Variants in RABGAP1 observed in about 807,000 individuals in gnomAD.
The protein encoded by RABGAP1 is RAB GTPase activating protein 1, also known as rab GTPase-activating protein 1.
A neutral mutation model predicts 137.6 loss-of-function variants in RABGAP1; 23 were observed. That is an observed-to-expected ratio of 0.17 (90% CI 0.12 to 0.24). The LOEUF (loss-of-function observed/expected upper bound fraction) is 0.24, where lower values mean the gene tolerates loss of function less well. Ranked by LOEUF, RABGAP1 falls within the 10% of genes least tolerant of loss-of-function variation. RABGAP1 has a pLI of 1.00. For missense variants in RABGAP1, 906 were observed against 1,275.8 expected, an observed-to-expected ratio of 0.71 and a Z score of 4.42; for synonymous variants, 451 against 450.7, an observed-to-expected ratio of 1.00 and a Z score of -0.01.
At chr9:122,984,805 C>A in intron 3 of RABGAP1, 86 bp downstream of exon 3, 1 of 1,204,762 alleles carries the variant, frequency 8.3e-7, no homozygotes, top group Non-Finnish European at 1.2e-6. Context: ...TTATTTAGAA[C>A]AGGCAAAACC....
intron 1 of RABGAP1, among the ~76,000 whole-genome samples, chr9:122,944,466 G>A (rs970014768): frequency 6.6e-6 from 1 of 151,920 alleles, no homozygotes; most frequent in Non-Finnish European, 1.5e-5. Flanking sequence ...CTGGCCTCAA[G>A]CAATCCTCCC....
In RABGAP1 at chr9:123,100,897, C is replaced by T. The variant is rs556015199; in HGVS notation, c.2890-669C>T. ...CTTTCAGTCTTTGTTCAGTGTTTAACGTCTAAAATTTCATTCATTCTGAGA... is the reference window on the plus strand; with the variant it reads ...CTTTCAGTCTTTGTTCAGTGTTTAATGTCTAAAATTTCATTCATTCTGAGA... On this transcript the variant is annotated intron_variant, in intron 24 of 25. Transcript: ENST00000373647. 1.2e-4 allele frequency among the ~76,000 whole-genome samples: 18 copies of T among 152,220 alleles called. 1 individual carries two copies. Among genetic ancestry groups the T allele is most frequent in the Middle Eastern group, 6.8e-3 (2 of 294 alleles).
intron 25 of RABGAP1, among the ~76,000 whole-genome samples, chr9:123,102,052 T>C (rs1438431473): frequency 6.6e-6 from 1 of 152,190 alleles, no homozygotes; most frequent in Non-Finnish European, 1.5e-5. Flanking sequence ...ACCACTGAAC[T>C]GTTTGACCTT....
chr9:123,046,365 C>A (rs1456068502), intron 13 of RABGAP1, among the ~76,000 whole-genome samples: 1 of 152,118 alleles, frequency 6.6e-6, no homozygotes, highest in Non-Finnish European at 1.5e-5. Flanking sequence ...ACAATTTTGG[C>A]AGCTCCTATT....
At chr9:122,988,716 G>A (rs1344485691) in intron 4 of RABGAP1, among the ~76,000 whole-genome samples, 1 of 152,000 alleles carries the variant, frequency 6.6e-6, no homozygotes, top group Non-Finnish European at 1.5e-5. Flanking sequence ...GGGAGGCCTA[G>A]GTGGGCGGAT....
At chr9:123,078,637 G>A (rs1433935028) in intron 19 of RABGAP1, among the ~76,000 whole-genome samples, 2 of 152,160 alleles carry the variant, frequency 1.3e-5, no homozygotes, top group African/African-American at 2.4e-5. Flanking sequence ...GCACACAAGA[G>A]GATGCTGCCT....
At chr9:123,029,838 A>G in intron 13 of RABGAP1, 2 of 397,060 alleles carry the variant, frequency 5.0e-6, no homozygotes, top group South Asian at 2.3e-5. Flanking sequence ...CCAAATAATA[A>G]GTGGTAGTTG....
chr9:123,010,636 A>T, intron 11 of RABGAP1, 108 bp downstream of exon 11: 1 of 1,087,828 alleles, frequency 9.2e-7, no homozygotes, highest in Admixed American at 2.7e-5. Flanking sequence ...TAATTCATTT[A>T]ATGAATTCCT....
At chr9:123,089,020 C>A (rs1304378337) in intron 19 of RABGAP1, among the ~76,000 whole-genome samples, 2 of 151,970 alleles carry the variant, frequency 1.3e-5, no homozygotes, top group Non-Finnish European at 2.9e-5. Context: ...GGTCTTGAAG[C>A]AATGGAGGTG....
At chr9:122,949,510 A>G (rs571894502) in intron 1 of RABGAP1, among the ~76,000 whole-genome samples, 18 of 151,816 alleles carry the variant, frequency 1.2e-4, no homozygotes, top group Non-Finnish European at 2.2e-4. Flanking sequence ...GTGAAACTCC[A>G]TCTCAAAAAC....
At chr9:122,982,183 G>C (rs1836103564) in intron 2 of RABGAP1, among the ~76,000 whole-genome samples, 1 of 152,132 alleles carries the variant, frequency 6.6e-6, no homozygotes, top group African/African-American at 2.4e-5. Context: ...GCATTTGTTA[G>C]GTTACTATTT....
chr9:123,002,296 C>T (rs1433294404), intron 10 of RABGAP1, among the ~76,000 whole-genome samples: 2 of 145,370 alleles, frequency 1.4e-5, no homozygotes, highest in South Asian at 4.3e-4. Flanking sequence ...AGCAAAACTC[C>T]GTCAAAAAAA....
intron 13 of RABGAP1, among the ~76,000 whole-genome samples, chr9:123,040,408 G>C (rs2032895883): frequency 6.6e-6 from 1 of 152,190 alleles, no homozygotes; most frequent in Non-Finnish European, 1.5e-5. Context: ...TGGAATCTCA[G>C]AACATGGTTC....
intron 21 of RABGAP1, among the ~76,000 whole-genome samples, chr9:123,096,779 C>G (rs956622359): frequency 6.6e-6 from 1 of 152,138 alleles, no homozygotes; most frequent in Admixed American, 6.5e-5. Flanking sequence ...ACTATGTTGG[C>G]CAGGCTGTTC....
At chr9:123,089,477 C>A (rs2034972042) in intron 19 of RABGAP1, 3 of 311,680 alleles carry the variant, frequency 9.6e-6, no homozygotes, top group South Asian at 9.0e-5. Flanking sequence ...CAAATAGGAC[C>A]CAGAACTTGT....
At position 122,972,894 on chromosome 9, in the gene RABGAP1, G is replaced by A. The variant is rs146239850; in HGVS notation, c.151-11591G>A. 9.8e-3 allele frequency among the ~76,000 whole-genome samples: 1,487 copies of A among 151,838 alleles called. 5 individuals carry two copies. The highest frequency in any genetic ancestry group is 0.015 in the Non-Finnish European group (989 of 67,966). ...CTCACACCTGTAATCCCAGCACTTG[G>A]GGAGGCCAAAGTGGGAGGATTGGTT... On this transcript the variant is annotated intron_variant, in intron 2 of 25. Transcript: ENST00000373647.
chr9:122,954,143 G>C (rs1274559936), intron 1 of RABGAP1, among the ~76,000 whole-genome samples: 1 of 152,138 alleles, frequency 6.6e-6, no homozygotes, highest in Non-Finnish European at 1.5e-5. Context: ...ATGTAAGTAG[G>C]GATTAAAAAG....
chr9:123,061,717 CT>C (rs1262358751), intron 13 of RABGAP1: 3 of 152,232 alleles, frequency 2.0e-5, no homozygotes, highest in African/African-American at 7.2e-5. Context: ...ACCCACCTCT[CT>C]TATAACAGCA....
chr9:123,020,539 A>G, intron 13 of RABGAP1, 80 bp downstream of exon 13: 2 of 1,276,300 alleles, frequency 1.6e-6, no homozygotes, highest in Non-Finnish European at 2.0e-6. Flanking sequence ...TATTTGACTT[A>G]TAAGAAGTGT....
Sources: gnomAD v4.1 joint callset for allele counts (sites outside exome capture counted in the v4.1 genomes callset) on GRCh38, gnomAD v4.1.1 for gene constraint, MANE v1.5 for transcripts, NCBI Gene and HGNC (gene_info 2026-07-23, HGNC 2026-07-21) for gene names.